TNIK: variants seen among roughly 807,000 people sequenced by gnomAD.
The protein encoded by TNIK is TRAF2 and NCK-interacting protein kinase.
TNIK carries 49 observed loss-of-function variants against 191.3 expected under a neutral mutation model. The ratio of observed to expected loss-of-function variants is 0.26; its 90% confidence interval spans 0.20 to 0.32. TNIK has a LOEUF of 0.32. TNIK is among the 10% of genes least tolerant of loss of function. The pLI is 1.00. For synonymous variants in TNIK, 594 were observed against 600.9 expected (o/e 0.99, Z 0.17); for missense variants, 1,155 against 1,702.3 (o/e 0.68, Z 5.66).
intron 1 of TNIK, among the ~76,000 whole-genome samples, chr3:171,378,555 A>T (rs184808795): frequency 6.6e-6 from 1 of 152,346 alleles, no homozygotes; most frequent in Non-Finnish European, 1.5e-5. Context: ...AAGAATGAAT[A>T]ACTCTTATTG....
intron 2 of TNIK, among the ~76,000 whole-genome samples, chr3:171,325,041 C>CA (rs957696798): frequency 3.5e-4 from 53 of 152,144 alleles, no homozygotes; most frequent in African/African-American, 1.2e-3. Context: ...GCGGAGCTTG[C>CA]AATGAGCTGA....
intron 28 of TNIK, among the ~76,000 whole-genome samples, chr3:171,078,023 A>C (rs1720210316): frequency 6.6e-6 from 1 of 152,198 alleles, no homozygotes; most frequent in Non-Finnish European, 1.5e-5. Flanking sequence ...GAGACGTCCC[A>C]GGCCACACTT....
intron 1 of TNIK, among the ~76,000 whole-genome samples, chr3:171,405,238 A>C (rs1721506388): frequency 6.6e-6 from 1 of 152,198 alleles, no homozygotes; most frequent in Non-Finnish European, 1.5e-5. Context: ...CTAAGAAATA[A>C]ACCCCCCAGA....
intron 1 of TNIK, among the ~76,000 whole-genome samples, chr3:171,405,419 A>G (rs1354512558): frequency 6.6e-6 from 1 of 152,132 alleles, no homozygotes; most frequent in Non-Finnish European, 1.5e-5. Context: ...TTAATTGCCT[A>G]AGTAGTGGGC....
intron 8 of TNIK, among the ~76,000 whole-genome samples, chr3:171,175,829 G>T (rs1242804495): frequency 6.6e-6 from 1 of 152,150 alleles, no homozygotes; most frequent in Admixed American, 6.5e-5. Context: ...CAGCCCCAGA[G>T]CCCCATTTTC....
chr3:171,169,918 T>G (rs1379054733), intron 9 of TNIK, among the ~76,000 whole-genome samples: 2 of 152,194 alleles, frequency 1.3e-5, no homozygotes, highest in Non-Finnish European at 2.9e-5. Flanking sequence ...GTGGCACCCT[T>G]TGAAGAGAAA....
intron 2 of TNIK, among the ~76,000 whole-genome samples, chr3:171,233,306 T>C (rs1186038349): frequency 6.6e-6 from 1 of 152,236 alleles, no homozygotes; most frequent in Non-Finnish European, 1.5e-5. Context: ...CACTGTGATT[T>C]TTTTTTCAAA....
chr3:171,419,981 C>T (rs563357679), intron 1 of TNIK, among the ~76,000 whole-genome samples: 20 of 152,210 alleles, frequency 1.3e-4, no homozygotes, highest in African/African-American at 3.1e-4. Context: ...GTTTGTGACT[C>T]GAGAAGAGGC....
At chr3:171,131,201 G>A (rs1416064277) in intron 15 of TNIK, among the ~76,000 whole-genome samples, 6 of 151,152 alleles carry the variant, frequency 4.0e-5, no homozygotes. Context: ...AGCCGGGCGT[G>A]GTAGCGGGCG....
rs553413092 is a variant in TNIK at position 171,169,080 on chromosome 3, G to A, written c.774-1810C>T. ...AAAGGACACTCCTAAGGAATGAATTGAAGAGAATGAGGCTGACCTGCATGA... is the reference window on the plus strand; with the variant it reads ...AAAGGACACTCCTAAGGAATGAATTAAAGAGAATGAGGCTGACCTGCATGA... On this transcript the variant is annotated intron_variant, in intron 9 of 32. Transcript: ENST00000436636. Among the ~76,000 whole-genome samples the A allele has an allele frequency of 6.6e-5, 10 of 152,300 alleles. No homozygotes were observed. The South Asian group carries it at 1.9e-3, about 28-fold the overall frequency.
intron 21 of TNIK, chr3:171,106,724 G>A (rs758383984): frequency 1.9e-6 from 1 of 534,536 alleles, no homozygotes; most frequent in East Asian, 5.4e-5. Context: ...TTCTGATGCT[G>A]TTGTTAATGT....
At chr3:171,107,770 T>C (rs929042052) in intron 20 of TNIK, among the ~76,000 whole-genome samples, 2 of 152,226 alleles carry the variant, frequency 1.3e-5, no homozygotes, top group Non-Finnish European at 2.9e-5. Flanking sequence ...ACTTTCAACA[T>C]CTTTTTGCCA....
At chr3:171,393,986 T>A (rs999687234) in intron 1 of TNIK, among the ~76,000 whole-genome samples, 6 of 152,228 alleles carry the variant, frequency 3.9e-5, no homozygotes, top group Non-Finnish European at 7.3e-5. Flanking sequence ...TTTTAGTATA[T>A]AAAATAATAT....
chr3:171,179,537 C>T (rs1272013065), intron 7 of TNIK, among the ~76,000 whole-genome samples: 1 of 152,068 alleles, frequency 6.6e-6, no homozygotes, highest in Non-Finnish European at 1.5e-5. Context: ...CTGCAAGCTC[C>T]GCCTCCTGGG....
At chr3:171,264,796 G>T (rs952181589) in intron 2 of TNIK, among the ~76,000 whole-genome samples, 6 of 152,240 alleles carry the variant, frequency 3.9e-5, no homozygotes, top group African/African-American at 1.4e-4. Flanking sequence ...CCCTGCAATG[G>T]TAAGGGGATC....
intron 2 of TNIK, among the ~76,000 whole-genome samples, chr3:171,299,903 A>G (rs752633220): frequency 1.3e-5 from 2 of 152,230 alleles, no homozygotes; most frequent in Non-Finnish European, 2.9e-5. Context: ...GGCATTTCAT[A>G]CTTCTGCTAT....
At chr3:171,088,069 A>G (rs1041462146) in intron 23 of TNIK, among the ~76,000 whole-genome samples, 2 of 152,228 alleles carry the variant, frequency 1.3e-5, no homozygotes, top group Admixed American at 6.5e-5. Context: ...ATATATTGAC[A>G]TGATCTAGAA....
chr3:171,081,616 G>GA lies in TNIK; in HGVS notation c.3313+634dup, dbSNP rs996816734. On this transcript the variant is annotated intron_variant, in intron 27 of 32. Transcript: ENST00000436636. Reference sequence around the variant, plus strand: ...GTTAAACTCCTTCAAATACCAAAAAGAAAAAAAACTTTCAACAAAACTACC... The same window carrying GA: ...GTTAAACTCCTTCAAATACCAAAAAGAAAAAAAAACTTTCAACAAAACTACC... Among the ~76,000 whole-genome samples the GA allele has an allele frequency of 3.4e-5, 5 of 148,422 alleles. No individual in the cohort carries two copies. The East Asian group carries it at 7.9e-4, about 23-fold the overall frequency.
At chr3:171,429,092 A>G (rs1203981844) in intron 1 of TNIK, among the ~76,000 whole-genome samples, 2 of 152,058 alleles carry the variant, frequency 1.3e-5, no homozygotes, top group African/African-American at 4.8e-5. Flanking sequence ...TTAGATCCAC[A>G]ACCACGAGCT....
Sources: gnomAD v4.1 joint callset for allele counts (sites outside exome capture counted in the v4.1 genomes callset) on GRCh38, gnomAD v4.1.1 for gene constraint, MANE v1.5 for transcripts, NCBI Gene and HGNC (gene_info 2026-07-23, HGNC 2026-07-21) for gene names.